Variants in DYSF observed in about 807,000 individuals in gnomAD.
The protein encoded by DYSF is dysferlin, also known as dystrophy-associated fer-1-like 1.
A neutral mutation model predicts 274.9 loss-of-function variants in DYSF; 212 were observed. The ratio of observed to expected loss-of-function variants is 0.77; its 90% confidence interval spans 0.69 to 0.86. DYSF has a LOEUF of 0.86. Among genes scored for constraint, DYSF ranks in the 40% least tolerant of loss-of-function variants. DYSF has a pLI of 0.00. For synonymous variants in DYSF, 1,091 were observed against 1,078.7 expected (o/e 1.01, Z -0.22); for missense variants, 2,666 against 2,783.2 (o/e 0.96, Z 0.95).
At chr2:71,650,736 C>A (rs1314491844) in intron 42 of DYSF, among the ~76,000 whole-genome samples, 1 of 152,118 alleles carries the variant, frequency 6.6e-6, no homozygotes, top group African/African-American at 2.4e-5. Context: ...CCCAAAAGGC[C>A]TCTTCTACCT....
chr2:71,526,287 T>C lies in DYSF; in HGVS notation c.1217T>C (p.Val406Ala). ...AGCAACCTGCTCCGGCCCACAGGCGTAGCCCTGCGAGGAGCCCACTTCTGC... is the reference window on the plus strand; with the variant it reads ...AGCAACCTGCTCCGGCCCACAGGCGCAGCCCTGCGAGGAGCCCACTTCTGC... ...IESNLLRPTG[V>A]ALRGAHFCLK... is the part of the protein sequence containing the mutation. Residue 406 changes from valine to alanine, a missense_variant, in exon 13 of 56, where the codon GTA becomes GCA. Physicochemically the swap from Val to Ala is moderately conservative, Grantham distance 64. This residue lies in a region of DYSF where 794 missense variants were observed against 777.1 expected (regional missense o/e 1.02). Transcript: ENST00000410020. 6.2e-7 allele frequency: 1 copy of C among 1,614,232 alleles called. No individual in the cohort carries two copies. Among genetic ancestry groups the C allele is most frequent in the South Asian group, 1.1e-5 (1 of 91,090 alleles).
At chr2:71,597,626 T>C (rs1482479022) in intron 32 of DYSF, among the ~76,000 whole-genome samples, 3 of 152,148 alleles carry the variant, frequency 2.0e-5, no homozygotes, top group Non-Finnish European at 4.4e-5. Flanking sequence ...ACCACTGCCC[T>C]AGAGTCTGCT....
chr2:71,570,966 A>G, intron 29 of DYSF: 2 of 617,654 alleles, frequency 3.2e-6, no homozygotes, highest in Non-Finnish European at 5.6e-6. Flanking sequence ...CACCCAGCAT[A>G]CACACAGATC....
intron 52 of DYSF, among the ~76,000 whole-genome samples, chr2:71,677,010 C>T (rs1038079201): frequency 2.6e-5 from 4 of 151,894 alleles, no homozygotes; most frequent in African/African-American, 9.7e-5. Context: ...AGAAAATAAA[C>T]ATTCATTCAT....
chr2:71,656,397 G>A (rs1171882667), intron 43 of DYSF, 107 bp downstream of exon 43: 2 of 1,513,996 alleles, frequency 1.3e-6, no homozygotes, highest in Non-Finnish European at 1.8e-6. Context: ...TGGTGCTGAT[G>A]TTGGTGACCA....
At chr2:71,601,288 G>A (rs571638374) in intron 34 of DYSF, 17 of 668,818 alleles carry the variant, frequency 2.5e-5, no homozygotes, top group African/African-American at 8.9e-5. Context: ...ATGTGAACCC[G>A]AATAAGTAGA....
chr2:71,660,582 C>G lies in DYSF; in HGVS notation c.4934C>G (p.Ser1645Cys). 1 of 1,614,066 alleles carries G rather than the reference C, an allele frequency of 6.2e-7. No individual in the cohort carries two copies. ...NGKCDPYIKI[S>C]IGKKSVSDQD... ...CAGTGTGATCCTTACATCAAGATCTCCATAGGGAAGAAATCAGTGAGTGAC... is the reference window on the plus strand; with the variant it reads ...CAGTGTGATCCTTACATCAAGATCTGCATAGGGAAGAAATCAGTGAGTGAC... Residue 1645 changes from serine (S) to cysteine (C), a missense_variant, in exon 45 of 56, where the codon TCC becomes TGC. By Grantham distance (112) the Ser-to-Cys change is moderately radical. Transcript: ENST00000410020.
At chr2:71,503,785 T>G (rs1382690015) in intron 4 of DYSF, among the ~76,000 whole-genome samples, 2 of 151,148 alleles carry the variant, frequency 1.3e-5, no homozygotes, top group African/African-American at 4.9e-5. Flanking sequence ...CTCTTCCTTT[T>G]CCTCCGTTGT....
Position 71,560,823 on chromosome 2 carries a change from C to G in DYSF, c.2217-929C>G, listed in dbSNP as rs1164315894. On this transcript the variant is annotated intron_variant, in intron 22 of 55. Coordinates refer to ENST00000410020, the MANE Select transcript of DYSF (RefSeq NM_001130987.2). ...AGTGGTGGGAGCAGACCTGGTGGAG[C>G]GGGTTTGACTAATGTCCTGTTTGGG... 2.0e-5 allele frequency among the ~76,000 whole-genome samples: 3 copies of G among 151,682 alleles called. No homozygotes were observed. In the East Asian group the frequency reaches 5.9e-4, roughly 30 times the overall value.
chr2:71,636,077 A>G (rs1204460973), intron 41 of DYSF, among the ~76,000 whole-genome samples: 7 of 152,184 alleles, frequency 4.6e-5, no homozygotes, highest in Non-Finnish European at 1.0e-4. Flanking sequence ...GGAAGTGTTC[A>G]GGACCAGGAA....
chr2:71,466,667 G>A, upstream of DYSF: 1 of 1,333,924 alleles, frequency 7.5e-7, no homozygotes, highest in Non-Finnish European at 9.6e-7. Context: ...GGTGTCCGGT[G>A]TCCTCCCTGC....
intron 1 of DYSF, 31 bp from the exon 2 acceptor site, chr2:71,480,852 C>T: frequency 6.2e-7 from 1 of 1,605,498 alleles, no homozygotes; most frequent in Non-Finnish European, 8.5e-7. Flanking sequence ...CGGGATGTGT[C>T]TCTCCATTCT....
At chr2:71,555,603 G>C (rs373914413) in intron 21 of DYSF, among the ~76,000 whole-genome samples, 30 of 152,318 alleles carry the variant, frequency 2.0e-4, no homozygotes, top group African/African-American at 7.2e-4. Flanking sequence ...TCCAGGTGGG[G>C]AACCAGAGCA....
chr2:71,527,628 GT>G (rs1026534356), intron 13 of DYSF, among the ~76,000 whole-genome samples: 2 of 152,144 alleles, frequency 1.3e-5, no homozygotes, highest in African/African-American at 2.4e-5. Flanking sequence ...GATCATAAAT[GT>G]TTGCTAATTG....
intron 30 of DYSF, among the ~76,000 whole-genome samples, chr2:71,582,503 T>C (rs1254392607): frequency 2.6e-5 from 4 of 152,156 alleles, no homozygotes; most frequent in Admixed American, 6.5e-5. Context: ...TTATGGATAA[T>C]GGTTGGGTTG....
intron 33 of DYSF, 75 bp downstream of exon 33, chr2:71,598,820 G>A (rs1347639335): frequency 1.1e-5 from 17 of 1,564,540 alleles, no homozygotes; most frequent in African/African-American, 2.7e-5. Flanking sequence ...CCAGGGACTC[G>A]TGGCTGCCCA....
intron 21 of DYSF, 64 bp downstream of exon 21, chr2:71,553,995 G>A: frequency 6.2e-7 from 1 of 1,611,606 alleles, no homozygotes; most frequent in Non-Finnish European, 8.5e-7. Context: ...CCGCTGCATG[G>A]GGTGTCTCAG....
chr2:71,667,434 T>C lies in DYSF; in HGVS notation c.5376T>C (p.His1792=). ...LGPVEERLAL[H]VLQQQGLVPE... ...CAGTGGAGGAGCGTCTGGCTCTGCA[T>C]GTGCTTCAGCAGCAGGGCCTGGTCC... Residue 1792 remains histidine, a synonymous_variant, in exon 48 of 56, where the codon CAT becomes CAC. Transcript: ENST00000410020. The C allele has an allele frequency of 6.2e-7, 1 of 1,614,116 alleles. No individual in the cohort carries two copies. The highest frequency in any genetic ancestry group is 1.1e-5 in the South Asian group (1 of 91,080).
At position 71,515,715 on chromosome 2, in the gene DYSF, G is replaced by A. The variant is rs1454893867; in HGVS notation, c.852G>A (p.Thr284=). The change falls in exon 8 of 56, where the codon ACG becomes ACA. Residue 284 remains threonine, a synonymous_variant. Coordinates refer to ENST00000410020, the MANE Select transcript of DYSF (RefSeq NM_001130987.2). ...KVTAAGQTKR[T]RIHKGNSPLF... is the part of the protein sequence containing the mutation. ...CCGCTGCAGGGCAGACCAAGCGGAC[G>A]CGGATCCACAAGGGAAACAGCCCAC... 8 of 1,614,130 alleles carry A rather than the reference G, an allele frequency of 5.0e-6. No individual in the cohort carries two copies. Among genetic ancestry groups the A allele is most frequent in the South Asian group, 1.1e-5 (1 of 91,082 alleles).
Sources: gnomAD v4.1 joint callset for allele counts (sites outside exome capture counted in the v4.1 genomes callset) on GRCh38, gnomAD v4.1.1 for gene constraint, gnomAD v4.1.1 regional missense constraint, MANE v1.5 for transcripts, NCBI Gene and HGNC (gene_info 2026-07-23, HGNC 2026-07-21) for gene names.